Variants in TTK observed in about 807,000 individuals in gnomAD.
TTK encodes dual specificity protein kinase TTK.
Under a neutral mutation model 117.3 loss-of-function variants are expected in TTK, and 59 were observed. The ratio of observed to expected loss-of-function variants is 0.50; its 90% CI spans 0.41 to 0.62. The LOEUF (loss-of-function observed/expected upper bound fraction) is 0.62. Among genes scored for constraint, TTK ranks in the 20% least tolerant of loss-of-function variants. The pLI is 0.00. For missense variants in TTK, 921 were observed against 989.4 expected, an observed-to-expected ratio of 0.93 and a Z score of 0.93; for synonymous variants, 302 against 325.0, an observed-to-expected ratio of 0.93 and a Z score of 0.76.
chr6:80,011,089 A>T, intron 5 of TTK, 132 bp downstream of exon 5: 1 of 1,173,588 alleles, frequency 8.5e-7, no homozygotes, highest in Non-Finnish European at 1.1e-6. Flanking sequence ...AAAGGAGGTA[A>T]GACTGAGAAG....
Position 80,036,471 on chromosome 6 carries a change from A to G in TTK, c.1925-4A>G. ...TAATATTACAGTGGATTTTTATTTT[A>G]AAGGCATTGTTCACAGTGATCTTAA... On this transcript the variant is annotated splice_region_variant and splice_polypyrimidine_tract_variant and intron_variant, in intron 16 of 21. Coordinates refer to ENST00000369798, the MANE Select transcript of TTK (RefSeq NM_003318.5). 6.3e-7 allele frequency: 1 copy of G among 1,593,018 alleles called. No individual in the cohort carries two copies. The highest frequency in any genetic ancestry group is 2.3e-5 in the East Asian group (1 of 44,226).
At chr6:80,028,473 A>G (rs1767667970) in intron 13 of TTK, among the ~76,000 whole-genome samples, 1 of 151,656 alleles carries the variant, frequency 6.6e-6, no homozygotes, top group South Asian at 2.1e-4. Flanking sequence ...ACGCACCACC[A>G]CACCTGGCTA....
At position 80,014,586 on chromosome 6, in the gene TTK, G is replaced by A. The variant is rs1185337262; in HGVS notation, c.1108G>A (p.Glu370Lys). The A allele has an allele frequency of 1.3e-6, 2 of 1,591,354 alleles. No homozygotes were observed. The highest frequency in any genetic ancestry group is 1.7e-6 in the Non-Finnish European group (2 of 1,170,982). The stretch of plus-strand genomic sequence containing the variant: ...ATCAAGTCTTCTAGCTAAATTAGAA[G>A]GTAAGAGTAACAAAATCAGTAGACT... ...TESSLLAKLE[E>K]TKEYQEPEVP... The change falls in exon 10 of 22, where the codon GAA (glutamate) becomes AAA (lysine). Residue 370 changes from glutamate (E) to lysine (K), a missense_variant and splice_region_variant. Physicochemically the swap from Glu to Lys is moderately conservative, Grantham distance 56. Coordinates refer to ENST00000369798, the MANE Select transcript of TTK (RefSeq NM_003318.5).
Position 80,007,891 on chromosome 6 carries a change from A to G in TTK, c.222A>G (p.Lys74=). The change falls in exon 3 of 22, where the codon AAA becomes AAG. Residue 74 remains lysine, a synonymous_variant. Transcript: ENST00000369798. ...DWLSLLLKLE[K]NSVPLSDALL... ...TGAGTTTGTTGCTCAAACTAGAGAA[A>G]AACAGTGTTCCGCTAAGTGATGCTC... 1 of 1,613,602 alleles carries G rather than the reference A, an allele frequency of 6.2e-7. No homozygotes were observed. The highest frequency in any genetic ancestry group is 8.5e-7 in the Non-Finnish European group (1 of 1,179,636).
At chr6:80,020,663 C>T (rs1309497891) in intron 10 of TTK, among the ~76,000 whole-genome samples, 2 of 152,184 alleles carry the variant, frequency 1.3e-5, no homozygotes, top group Non-Finnish European at 2.9e-5. Context: ...GGAAAGAGCT[C>T]ACATGCTTTC....
At chr6:80,012,203 G>A (rs1459773387) in intron 8 of TTK, among the ~76,000 whole-genome samples, 2 of 151,874 alleles carry the variant, frequency 1.3e-5, no homozygotes, top group African/African-American at 4.8e-5. Context: ...GCTTTAAAAG[G>A]AAAAAATATT....
rs1413807388 is a variant in TTK, at chr6:80,028,010, A to G, written c.1520A>G (p.Gln507Arg). 1 of 1,597,362 alleles carries G rather than the reference A, an allele frequency of 6.3e-7. No homozygotes were observed. Among genetic ancestry groups the G allele is most frequent in the South Asian group, 1.1e-5 (1 of 87,844 alleles). Residue 507 changes from glutamine (Q) to arginine (R), a missense_variant and splice_region_variant, in exon 13 of 22, where the codon CAG becomes CGG. Gln to Arg is a conservative substitution (Grantham distance 43). Coordinates refer to ENST00000369798, the MANE Select transcript of TTK (RefSeq NM_003318.5). Reference sequence around the variant, plus strand: ...CTTGCCACTCCACTTCAAAATTTACAGGTTCGATAAGCTTTATATATGATG... The same window carrying G: ...CTTGCCACTCCACTTCAAAATTTACGGGTTCGATAAGCTTTATATATGATG... ...QILATPLQNL[Q>R]VLASSSANEC... is the part of the protein sequence containing the mutation.
chr6:80,007,184 T>C (rs2127714140), intron 2 of TTK, among the ~76,000 whole-genome samples: 1 of 152,258 alleles, frequency 6.6e-6, no homozygotes, highest in East Asian at 1.9e-4. Context: ...TAGACCACGG[T>C]AACTATGAGT....
Position 80,040,718 on chromosome 6 carries a change from T to G in TTK, c.2490+15T>G. 3 of 1,604,364 alleles carry G rather than the reference T, an allele frequency of 1.9e-6. No homozygotes were observed. Among genetic ancestry groups the G allele is most frequent in the Non-Finnish European group, 2.6e-6 (3 of 1,175,372 alleles). The stretch of plus-strand genomic sequence containing the variant: ...AAGCTGCTAAAGTAAGTATGTCTAT[T>G]CTTTACATTAATTTTTACTGTTTTA... On this transcript the variant is annotated intron_variant, in intron 21 of 21. Coordinates refer to ENST00000369798, the MANE Select transcript of TTK (RefSeq NM_003318.5).
intron 10 of TTK, among the ~76,000 whole-genome samples, chr6:80,017,826 T>A (rs1025170193): frequency 6.6e-6 from 1 of 152,320 alleles, no homozygotes; most frequent in Admixed American, 6.5e-5. Flanking sequence ...ACCTAGCATA[T>A]CTTTTCATTC....
Position 80,007,991 on chromosome 6 carries a change from A to ACAG in TTK, c.322_323insCAG (p.Ser108delinsThrGly). ...CCCAGATAAATATGGCCAAAATGAGAGTTTTGCTAGAATTCAAGTGAGATT... is the reference window on the plus strand; with the variant it reads ...CCCAGATAAATATGGCCAAAATGAGACAGGTTTTGCTAGAATTCAAGTGAGATT... On this transcript the variant is annotated protein_altering_variant, in exon 3 of 22. Transcript: ENST00000369798. 175 of 1,591,192 alleles carry ACAG rather than the reference A, an allele frequency of 1.1e-4. No homozygotes were observed. The highest frequency in any genetic ancestry group is 1.7e-4 in the Middle Eastern group (1 of 6,012).
At chr6:80,022,183 T>C (rs1427285844) in intron 10 of TTK, 141 bp from the exon 11 acceptor site, 18 of 912,044 alleles carry the variant, frequency 2.0e-5, no homozygotes, top group Non-Finnish European at 2.4e-5. Flanking sequence ...AGCAGCTGGC[T>C]TAAAGCTTTT....
chr6:80,037,460 G>T (rs1425678598), intron 17 of TTK: 6 of 152,544 alleles, frequency 3.9e-5, no homozygotes, highest in African/African-American at 1.2e-4. Flanking sequence ...AAACTCAGAG[G>T]ACTACTGTGA....
chr6:80,022,012 A>G (rs1261763979), intron 10 of TTK, among the ~76,000 whole-genome samples: 1 of 152,232 alleles, frequency 6.6e-6, no homozygotes, highest in Admixed American at 6.5e-5. Context: ...CTTCTCTATT[A>G]GTAAGACTTT....
At chr6:80,037,834 A>G (rs1767944557) in intron 17 of TTK, 133 bp from the exon 18 acceptor site, 2 of 387,384 alleles carry the variant, frequency 5.2e-6, no homozygotes, top group African/African-American at 4.3e-5. Flanking sequence ...AGGATCTGGC[A>G]TTTGTATTTT....
At chr6:80,012,780 A>G (rs1767195144) in intron 8 of TTK, among the ~76,000 whole-genome samples, 1 of 152,088 alleles carries the variant, frequency 6.6e-6, no homozygotes, top group African/African-American at 2.4e-5. Flanking sequence ...CTATGATTTC[A>G]TCTTGTTCAT....
intron 3 of TTK, 100 bp downstream of exon 3, chr6:80,008,131 A>G (rs1767045584): frequency 1.5e-6 from 2 of 1,358,148 alleles, no homozygotes; most frequent in African/African-American, 3.0e-5. Flanking sequence ...GTGAGAAAAT[A>G]TTAATTTTTT....
At chr6:80,029,639 C>G (rs1767701576) in intron 13 of TTK, among the ~76,000 whole-genome samples, 2 of 152,040 alleles carry the variant, frequency 1.3e-5, no homozygotes, top group African/African-American at 4.8e-5. Context: ...GGCTAGAGGT[C>G]AGGAAGGGGA....
intron 8 of TTK, 142 bp downstream of exon 8, chr6:80,012,122 G>A: frequency 1.5e-6 from 1 of 654,636 alleles, no homozygotes; most frequent in Non-Finnish European, 2.4e-6. Flanking sequence ...AATGTTGTCA[G>A]GAACAAAGGA....
Sources: allele counts gnomAD v4.1 joint callset (sites outside exome capture counted in the v4.1 genomes callset), GRCh38; gene constraint gnomAD v4.1.1; transcripts MANE v1.5; gene names NCBI Gene and HGNC (gene_info 2026-07-23, HGNC 2026-07-21).